ROBO2: variants seen among roughly 807,000 people sequenced by gnomAD.
ROBO2 encodes the protein roundabout homolog 2.
Under a neutral mutation model 160.8 loss-of-function variants are expected in ROBO2, and 53 were observed. That is an observed-to-expected ratio of 0.33 (90% CI 0.26 to 0.41). ROBO2 has a LOEUF of 0.41. Ranked by LOEUF, ROBO2 falls within the 10% of genes least tolerant of loss-of-function variation. The pLI is 1.00. For synonymous variants in ROBO2, 664 were observed against 611.7 expected (o/e 1.09, Z -1.26); for missense variants, 1,577 against 1,722.4 (o/e 0.92, Z 1.49).
At chr3:77,278,328 TG>T (rs1198731770) in intron 2 of ROBO2, among the ~76,000 whole-genome samples, 1 of 152,192 alleles carries the variant, frequency 6.6e-6, no homozygotes, top group East Asian at 1.9e-4. Flanking sequence ...ATCTCTACTC[TG>T]GCCTTCCTGA....
chr3:76,066,304 T>A (rs1359564162), intron 2 of ROBO2, among the ~76,000 whole-genome samples: 3 of 152,136 alleles, frequency 2.0e-5, no homozygotes, highest in Non-Finnish European at 4.4e-5. Flanking sequence ...ATCCAGTCTC[T>A]TCATCAAATC....
chr3:76,136,352 T>C (rs1017061662), intron 2 of ROBO2, among the ~76,000 whole-genome samples: 9 of 152,146 alleles, frequency 5.9e-5, no homozygotes, highest in African/African-American at 2.2e-4. Flanking sequence ...ACAGTTTTTA[T>C]TGACAAAAAA....
chr3:76,345,567 A>G (rs925131377), intron 2 of ROBO2, among the ~76,000 whole-genome samples: 6 of 150,786 alleles, frequency 4.0e-5, no homozygotes, highest in African/African-American at 9.7e-5. Flanking sequence ...CTGTGATCTG[A>G]TGAAATGTTT....
At chr3:77,497,924 A>T (rs913839576) in intron 5 of ROBO2, among the ~76,000 whole-genome samples, 5 of 152,198 alleles carry the variant, frequency 3.3e-5, no homozygotes, top group African/African-American at 1.2e-4. Flanking sequence ...GTAACCAAAG[A>T]TATAAAAATA....
At chr3:77,005,273 C>T (rs1361793230) in intron 2 of ROBO2, among the ~76,000 whole-genome samples, 1 of 152,164 alleles carries the variant, frequency 6.6e-6, no homozygotes, top group African/African-American at 2.4e-5. Context: ...CCTCCAGCTA[C>T]CTTGGGAGTT....
intron 2 of ROBO2, among the ~76,000 whole-genome samples, chr3:76,076,908 T>G (rs753837475): frequency 6.6e-6 from 1 of 152,200 alleles, no homozygotes; most frequent in African/African-American, 2.4e-5. Context: ...AAATTATAAC[T>G]GTTGTTTTGG....
At chr3:77,208,033 G>A (rs1169496253) in intron 2 of ROBO2, among the ~76,000 whole-genome samples, 1 of 152,284 alleles carries the variant, frequency 6.6e-6, no homozygotes, top group East Asian at 1.9e-4. Context: ...TCTATCCTGA[G>A]CGCTCTCCTG....
At chr3:76,429,859 A>G (rs1354962052) in intron 2 of ROBO2, among the ~76,000 whole-genome samples, 6 of 152,136 alleles carry the variant, frequency 3.9e-5, no homozygotes, top group Non-Finnish European at 7.4e-5. Flanking sequence ...TATGTAGGAT[A>G]GAGGTGTTGC....
chr3:77,236,232 T>C (rs574819460), intron 2 of ROBO2, among the ~76,000 whole-genome samples: 2 of 152,322 alleles, frequency 1.3e-5, no homozygotes, highest in East Asian at 1.9e-4. Context: ...TAAGCTATTA[T>C]CTAGAGACCT....
At chr3:76,203,378 G>C (rs1702633914) in intron 2 of ROBO2, among the ~76,000 whole-genome samples, 1 of 152,028 alleles carries the variant, frequency 6.6e-6, no homozygotes, top group African/African-American at 2.4e-5. Flanking sequence ...CACAGGTCAG[G>C]GTTCTAGTAA....
intron 2 of ROBO2, among the ~76,000 whole-genome samples, chr3:77,100,106 A>G (rs1420978730): frequency 6.6e-6 from 1 of 152,164 alleles, no homozygotes; most frequent in African/African-American, 2.4e-5. Flanking sequence ...TTTCTTTTCT[A>G]ATTGCGTCAT....
Position 76,235,505 on chromosome 3 carries a change from G to A in ROBO2, c.109+297903G>A, listed in dbSNP as rs867284170. On this transcript the variant is annotated intron_variant, in intron 2 of 26. Transcript: ENST00000487694. ...GTTGTTTTTAGCTACCTGGTTAGTG[G>A]TCATTTGTTGTAGCAGCCCTAGAAA... Among the ~76,000 whole-genome samples the A allele has an allele frequency of 2.0e-5, 3 of 152,130 alleles. No homozygotes were observed. In the South Asian group the frequency reaches 6.2e-4, roughly 32 times the overall value.
At chr3:77,463,360 G>C (rs1323744574) in intron 2 of ROBO2, among the ~76,000 whole-genome samples, 1 of 152,032 alleles carries the variant, frequency 6.6e-6, no homozygotes, top group African/African-American at 2.4e-5. Context: ...TATACTTTTA[G>C]ATTGGGAAGA....
At chr3:76,638,786 T>G (rs929741416) in intron 2 of ROBO2, among the ~76,000 whole-genome samples, 11 of 152,198 alleles carry the variant, frequency 7.2e-5, no homozygotes, top group Non-Finnish European at 1.0e-4. Flanking sequence ...TCTGAGTATG[T>G]AGGAAAATAA....
chr3:77,319,815 G>A (rs1180710396), intron 2 of ROBO2, among the ~76,000 whole-genome samples: 1 of 152,058 alleles, frequency 6.6e-6, no homozygotes, highest in Admixed American at 6.6e-5. Flanking sequence ...TTTCATATTT[G>A]AAAATGCACT....
At position 76,811,805 on chromosome 3, in the gene ROBO2, C is replaced by T. The variant is rs1002400790; in HGVS notation, c.110-286209C>T. The stretch of plus-strand genomic sequence containing the variant: ...TCCTTCCTTCCTTCCTTCCTTCCTT[C>T]CTTCCTTCCTTCCTTCCTTCCTTCC... On this transcript the variant is annotated intron_variant, in intron 2 of 26. Coordinates refer to the ROBO2 transcript ENST00000487694. Among the ~76,000 whole-genome samples, 523 of 64,024 alleles carry T rather than the reference C, an allele frequency of 8.2e-3. 4 individuals are homozygous for T. Among genetic ancestry groups the T allele is most frequent in the Non-Finnish European group, 5.4e-3 (158 of 29,202 alleles). 42.0% of individuals were successfully genotyped at this position (64,024 alleles called of 152,430 possible). A position where few individuals can be genotyped will look rare whatever the true frequency, so the allele number is the denominator to read the frequency against.
intron 1 of ROBO2, among the ~76,000 whole-genome samples, chr3:77,041,523 G>T (rs2149616035): frequency 6.6e-6 from 1 of 152,270 alleles, no homozygotes; most frequent in East Asian, 1.9e-4. Flanking sequence ...CTCCCTCTAG[G>T]TTGAGTCAGT....
intron 2 of ROBO2, among the ~76,000 whole-genome samples, chr3:76,271,047 A>G (rs1473437988): frequency 2.0e-5 from 3 of 152,102 alleles, no homozygotes; most frequent in Admixed American, 6.6e-5. Flanking sequence ...TAATACTAGC[A>G]TCTTGAATAG....
intron 2 of ROBO2, among the ~76,000 whole-genome samples, chr3:76,088,069 G>A (rs1469630328): frequency 1.3e-5 from 2 of 152,010 alleles, no homozygotes; most frequent in East Asian, 1.9e-4. Context: ...AGAAAGCAGA[G>A]TAGCTATATC....
Sources: gnomAD v4.1 joint callset for allele counts (sites outside exome capture counted in the v4.1 genomes callset) on GRCh38, gnomAD v4.1.1 for gene constraint, MANE v1.5 for transcripts, NCBI Gene and HGNC (gene_info 2026-07-23, HGNC 2026-07-21) for gene names.